CADM2: variants seen among roughly 807,000 people sequenced by gnomAD.
CADM2 encodes immunoglobulin superfamily member 4D.
CADM2 carries 12 observed loss-of-function variants against 49.8 expected under a neutral mutation model. The ratio of observed to expected loss-of-function variants is 0.24; its 90% CI spans 0.15 to 0.39. The LOEUF (loss-of-function observed/expected upper bound fraction) is 0.39, where lower values mean the gene tolerates loss of function less well. Among genes scored for constraint, CADM2 ranks in the 10% least tolerant of loss-of-function variants. The probability of loss-of-function intolerance (pLI) is 1.00; values close to 1 mark genes in which losing one functional copy is unlikely to be tolerated. For synonymous variants in CADM2, 214 were observed against 175.4 expected, an observed-to-expected ratio of 1.22 and a Z score of -1.74; for missense variants, 378 against 492.3, an observed-to-expected ratio of 0.77 and a Z score of 2.20.
intron 8 of CADM2, among the ~76,000 whole-genome samples, chr3:86,010,041 C>T (rs780590667): frequency 6.6e-6 from 1 of 151,878 alleles, no homozygotes; most frequent in Non-Finnish European, 1.5e-5. Context: ...CCGACATTAA[C>T]TCTGCTCTAT....
chr3:85,191,848 A>C (rs564622660), intron 1 of CADM2, among the ~76,000 whole-genome samples: 1 of 152,138 alleles, frequency 6.6e-6, no homozygotes, highest in Middle Eastern at 3.4e-3. Flanking sequence ...TTCTAAACTA[A>C]TTCAAAGCCT....
chr3:85,782,444 A>G (rs560440683), intron 2 of CADM2, among the ~76,000 whole-genome samples: 20 of 152,176 alleles, frequency 1.3e-4, no homozygotes, highest in Non-Finnish European at 2.6e-4. Flanking sequence ...TGGGAGGCTG[A>G]GGCGGGCGGA....
chr3:85,898,301 C>T (rs950236376), intron 5 of CADM2, among the ~76,000 whole-genome samples: 2 of 151,756 alleles, frequency 1.3e-5, no homozygotes, highest in South Asian at 2.1e-4. Context: ...ATATAATTGA[C>T]AAAAATCAAT....
At chr3:84,977,473 C>A (rs2031893022) in intron 1 of CADM2, among the ~76,000 whole-genome samples, 1 of 152,010 alleles carries the variant, frequency 6.6e-6, no homozygotes, top group Non-Finnish European at 1.5e-5. Context: ...TTCTCACATA[C>A]AACTTAAACT....
chr3:85,756,161 AT>A lies in CADM2; in HGVS notation c.88+29624del, dbSNP rs35356516. On this transcript the variant is annotated intron_variant, in intron 2 of 9. Transcript: ENST00000383699. Reference sequence around the variant, plus strand: ...TGACAGGAGTCTAGGACAAAGACCAATTTTTTTTTTTAATTACACCACAGCA... The same window carrying A: ...TGACAGGAGTCTAGGACAAAGACCAATTTTTTTTTTAATTACACCACAGCA... Among the ~76,000 whole-genome samples the A allele has an allele frequency of 7.1e-3, 1,068 of 150,112 alleles. 6 individuals are homozygous for A. Among genetic ancestry groups the A allele is most frequent in the African/African-American group, 0.015 (633 of 40,904 alleles).
At chr3:85,292,078 A>C (rs2043814830) in intron 1 of CADM2, among the ~76,000 whole-genome samples, 1 of 150,280 alleles carries the variant, frequency 6.7e-6, no homozygotes, top group South Asian at 2.1e-4. Flanking sequence ...GGCTCAAAAT[A>C]AAAGGATGGA....
At chr3:85,546,111 C>A (rs1381691614) in intron 1 of CADM2, among the ~76,000 whole-genome samples, 3 of 152,142 alleles carry the variant, frequency 2.0e-5, no homozygotes, top group Non-Finnish European at 2.9e-5. Flanking sequence ...AATTTTACTT[C>A]TTTATTACCT....
At position 85,912,506 on chromosome 3, in the gene CADM2, C is replaced by T. The variant is rs1717751071; in HGVS notation, c.663C>T (p.Ala221=). 1.8e-5 allele frequency: 29 copies of T among 1,613,900 alleles called. No homozygotes were observed. Among genetic ancestry groups the T allele is most frequent in the Non-Finnish European group, 2.4e-5 (28 of 1,179,884 alleles). Residue 221 remains alanine, a synonymous_variant, in exon 6 of 10, where the codon GCC becomes GCT. Transcript: ENST00000383699. ...ICRVDHESLN[A]TPQVAMQVLE... is the part of the protein sequence containing the mutation. ...GAGTAGATCACGAATCCCTCAATGC[C>T]ACCCCTCAGGTAGCCATGCAGGTGC...
chr3:85,739,021 A>G (rs1184895248), intron 2 of CADM2, among the ~76,000 whole-genome samples: 2 of 152,150 alleles, frequency 1.3e-5, no homozygotes, highest in East Asian at 3.8e-4. Context: ...TATGTATAGT[A>G]CCAAACATGA....
At chr3:85,009,532 C>A (rs1388391052) in intron 1 of CADM2, among the ~76,000 whole-genome samples, 1 of 152,058 alleles carries the variant, frequency 6.6e-6, no homozygotes, top group East Asian at 1.9e-4. Context: ...GAATAAATAC[C>A]AATTCTTGAT....
chr3:85,664,547 C>T (rs1157916665), intron 1 of CADM2, among the ~76,000 whole-genome samples: 2 of 151,950 alleles, frequency 1.3e-5, no homozygotes, highest in Non-Finnish European at 2.9e-5. Flanking sequence ...CACTCCAACA[C>T]TCACTACTTT....
chr3:86,064,204 T>C (rs1436142344), intron 8 of CADM2, among the ~76,000 whole-genome samples: 1 of 151,822 alleles, frequency 6.6e-6, no homozygotes, highest in Non-Finnish European at 1.5e-5. Flanking sequence ...ATCCCTCCCC[T>C]CTTCCCCCAC....
chr3:85,455,053 C>T (rs999792689), intron 1 of CADM2, among the ~76,000 whole-genome samples: 1 of 152,132 alleles, frequency 6.6e-6, no homozygotes, highest in Non-Finnish European at 1.5e-5. Context: ...CTGTGGTCAG[C>T]CCATATCCTA....
intron 8 of CADM2, chr3:86,012,738 C>T (rs1731695023): frequency 1.2e-6 from 1 of 809,442 alleles, no homozygotes; most frequent in African/African-American, 1.7e-5. Context: ...GCCTGTAATC[C>T]CAGCACTTTG....
At chr3:85,191,348 T>G (rs948783582) in intron 1 of CADM2, among the ~76,000 whole-genome samples, 1 of 152,068 alleles carries the variant, frequency 6.6e-6, no homozygotes, top group African/African-American at 2.4e-5. Flanking sequence ...AATAATCATA[T>G]GATATAGTAA....
chr3:85,540,375 T>C (rs1416448311), intron 1 of CADM2, among the ~76,000 whole-genome samples: 2 of 152,140 alleles, frequency 1.3e-5, no homozygotes, highest in Non-Finnish European at 2.9e-5. Context: ...CAAATGTCAG[T>C]AGATAAACAT....
intron 1 of CADM2, among the ~76,000 whole-genome samples, chr3:85,330,875 T>C (rs912574623): frequency 2.0e-5 from 3 of 151,770 alleles, no homozygotes; most frequent in African/African-American, 4.8e-5. Context: ...GGTGGGAAGA[T>C]TGTTTGAGCC....
chr3:85,111,857 A>T (rs2038471672), intron 1 of CADM2, among the ~76,000 whole-genome samples: 1 of 152,054 alleles, frequency 6.6e-6, no homozygotes, highest in South Asian at 2.1e-4. Flanking sequence ...GAAACATTTT[A>T]TCTTAACATT....
chr3:85,057,949 A>G (rs990390739), intron 1 of CADM2, among the ~76,000 whole-genome samples: 24 of 152,314 alleles, frequency 1.6e-4, no homozygotes, highest in Middle Eastern at 3.4e-3. Context: ...ATTTTACTGT[A>G]GAATTTTCCC....
Sources: allele counts gnomAD v4.1 joint callset (sites outside exome capture counted in the v4.1 genomes callset), GRCh38; gene constraint gnomAD v4.1.1; transcripts MANE v1.5; gene names NCBI Gene and HGNC (gene_info 2026-07-23, HGNC 2026-07-21).